MUC7: variants seen among roughly 807,000 people sequenced by gnomAD.
The protein encoded by MUC7 is mucin 7, secreted.
In MUC7, 2 loss-of-function variants were observed where a neutral mutation model predicts 2.5. The ratio of observed to expected loss-of-function variants is 0.81; its 90% confidence interval spans 0.33 to 2.55. MUC7 has a LOEUF of 2.55. Among genes scored for constraint, MUC7 ranks in the 30% most tolerant of loss-of-function variants. MUC7 has a pLI of 0.11. For synonymous variants in MUC7, 133 were observed against 173.4 expected (o/e 0.77, Z 1.83); for missense variants, 408 against 455.6 (o/e 0.90, Z 0.95).
chr4:70,452,565 A>C lies in MUC7; in HGVS notation c.-92-19650A>C, dbSNP rs540332349. Reference sequence around the variant, plus strand: ...AAAGAACAAAAAACAAAAACAAAAAAAAAAGCCCTCTATGCTTTAATTTCG... The same window carrying C: ...AAAGAACAAAAAACAAAAACAAAAACAAAAGCCCTCTATGCTTTAATTTCG... On this transcript the variant is annotated intron_variant, in intron 1 of 3. Coordinates refer to the MUC7 transcript ENST00000413702. Among the ~76,000 whole-genome samples the C allele has an allele frequency of 3.9e-5, 6 of 152,294 alleles. No homozygotes were observed. The East Asian group carries it at 5.8e-4, about 15-fold the overall frequency.
At chr4:70,460,888 G>A (rs910260728) in intron 1 of MUC7, among the ~76,000 whole-genome samples, 2 of 152,212 alleles carry the variant, frequency 1.3e-5, no homozygotes, top group African/African-American at 2.4e-5. Context: ...TAGGTGTTAA[G>A]GGTGTGAGGG....
chr4:70,445,030 T>TA (rs1160244229), intron 1 of MUC7, among the ~76,000 whole-genome samples: 3 of 152,082 alleles, frequency 2.0e-5, no homozygotes, highest in African/African-American at 7.2e-5. Flanking sequence ...AGACTCTGTC[T>TA]AAAAAACAAA....
chr4:70,477,218 T>C (rs1459129322), intron 2 of MUC7, among the ~76,000 whole-genome samples: 1 of 152,096 alleles, frequency 6.6e-6, no homozygotes, highest in African/African-American at 2.4e-5. Context: ...AAGACCAGCC[T>C]GGCCAACATG....
At chr4:70,473,986 C>T (rs1734916177) in intron 1 of MUC7, 21 bp from the exon 2 acceptor site, 2 of 1,571,514 alleles carry the variant, frequency 1.3e-6, no homozygotes, top group Admixed American at 3.4e-5. Flanking sequence ...TAATAGTACG[C>T]CACATTTCTG....
intron 1 of MUC7, among the ~76,000 whole-genome samples, chr4:70,446,626 T>A (rs532217073): frequency 1.3e-5 from 2 of 152,328 alleles, no homozygotes; most frequent in African/African-American, 4.8e-5. Flanking sequence ...CAATGACTAT[T>A]TCCAAATAAG....
intron 1 of MUC7, among the ~76,000 whole-genome samples, chr4:70,440,455 C>T (rs887422852): frequency 6.6e-6 from 1 of 151,910 alleles, no homozygotes; most frequent in Non-Finnish European, 1.5e-5. Context: ...TAACACTCTG[C>T]CCAGGACAAA....
At chr4:70,449,077 G>A (rs1734216792) in intron 1 of MUC7, among the ~76,000 whole-genome samples, 1 of 152,098 alleles carries the variant, frequency 6.6e-6, no homozygotes, top group Non-Finnish European at 1.5e-5. Flanking sequence ...ATTTTCTTGT[G>A]AGTCTTTGTC....
intron 1 of MUC7, among the ~76,000 whole-genome samples, chr4:70,452,473 C>A (rs373729016): frequency 1.3e-5 from 2 of 151,848 alleles, no homozygotes; most frequent in Non-Finnish European, 2.9e-5. Context: ...TATCATATAA[C>A]CCATTAGTTT....
chr4:70,480,774 C>G, intron 2 of MUC7, 25 bp from the exon 3 acceptor site: 1 of 1,593,678 alleles, frequency 6.3e-7, no homozygotes, highest in East Asian at 2.2e-5. Flanking sequence ...TTTTTCATTT[C>G]TTACATTTTC....
At chr4:70,440,268 A>T (rs923896022) in intron 1 of MUC7, among the ~76,000 whole-genome samples, 2 of 152,224 alleles carry the variant, frequency 1.3e-5, no homozygotes, top group Non-Finnish European at 2.9e-5. Context: ...GAACAGAAAC[A>T]TTAATTTTTT....
intron 2 of MUC7, among the ~76,000 whole-genome samples, chr4:70,477,306 A>T (rs1405203087): frequency 6.6e-6 from 1 of 152,116 alleles, no homozygotes; most frequent in East Asian, 1.9e-4. Flanking sequence ...GCTTCTAGGG[A>T]GGCTGAGGCA....
intron 1 of MUC7, among the ~76,000 whole-genome samples, chr4:70,445,373 T>C (rs140044808): frequency 2.0e-5 from 3 of 152,384 alleles, no homozygotes; most frequent in Non-Finnish European, 4.4e-5. Flanking sequence ...CAGCACATTT[T>C]ATGACACTAC....
At chr4:70,456,796 G>A (rs1734427836) in intron 1 of MUC7, among the ~76,000 whole-genome samples, 1 of 152,188 alleles carries the variant, frequency 6.6e-6, no homozygotes, top group Admixed American at 6.5e-5. Context: ...CACATTCAAA[G>A]TAGTGTAAAT....
intron 2 of MUC7, among the ~76,000 whole-genome samples, chr4:70,475,006 C>T (rs565286050): frequency 1.0e-3 from 158 of 152,214 alleles, no homozygotes; most frequent in African/African-American, 3.5e-3. Flanking sequence ...AGGCCGGGCG[C>T]GGTGGCTCAT....
At chr4:70,444,903 C>T (rs1440905897) in intron 1 of MUC7, among the ~76,000 whole-genome samples, 2 of 151,982 alleles carry the variant, frequency 1.3e-5, no homozygotes, top group African/African-American at 2.4e-5. Flanking sequence ...AATACAAAAA[C>T]TATCCAGGTG....
At chr4:70,432,139 G>C (rs994372338) in intron 1 of MUC7, among the ~76,000 whole-genome samples, 4 of 152,168 alleles carry the variant, frequency 2.6e-5, no homozygotes, top group African/African-American at 7.2e-5. Context: ...TCTTAATTCA[G>C]TCTATCATTG....
intron 1 of MUC7, among the ~76,000 whole-genome samples, chr4:70,431,779 G>C (rs893948559): frequency 3.3e-5 from 5 of 151,928 alleles, no homozygotes; most frequent in African/African-American, 4.8e-5. Flanking sequence ...TTAAGTTCTA[G>C]GGTACATGTG....
intron 1 of MUC7, among the ~76,000 whole-genome samples, chr4:70,447,487 A>G (rs1734174617): frequency 6.6e-6 from 1 of 152,194 alleles, no homozygotes; most frequent in African/African-American, 2.4e-5. Flanking sequence ...GATTATATAC[A>G]ATCAAGTATT....
At chr4:70,451,282 C>T (rs1008905300) in intron 1 of MUC7, among the ~76,000 whole-genome samples, 1 of 152,192 alleles carries the variant, frequency 6.6e-6, no homozygotes, top group African/African-American at 2.4e-5. Flanking sequence ...CGTTGGTGCC[C>T]AGAGATGCTC....
Sources: gnomAD v4.1 joint callset for allele counts (sites outside exome capture counted in the v4.1 genomes callset) on GRCh38, gnomAD v4.1.1 for gene constraint, MANE v1.5 for transcripts, NCBI Gene and HGNC (gene_info 2026-07-23, HGNC 2026-07-21) for gene names.